ARID4B: variants seen among roughly 807,000 people sequenced by gnomAD.
The protein encoded by ARID4B is AT-rich interaction domain 4B.
ARID4B carries 26 observed loss-of-function variants against 147.5 expected under a neutral mutation model. The observed-to-expected ratio is 0.18, with a 90% CI of 0.13 to 0.24. The LOEUF is 0.24. Ranked by LOEUF, ARID4B falls within the 10% of genes least tolerant of loss-of-function variation. The pLI is 1.00. For synonymous variants in ARID4B, 512 were observed against 507.9 expected (o/e 1.01, Z -0.11); for missense variants, 1,179 against 1,511.5 (o/e 0.78, Z 3.65).
chr1:235,311,353 A>AAAT (rs1674036011), intron 2 of ARID4B, among the ~76,000 whole-genome samples: 1 of 91,504 alleles, frequency 1.1e-5, no homozygotes, highest in Non-Finnish European at 2.2e-5. Flanking sequence ...CCCTGTCTCA[A>AAAT]AACAATAATA....
chr1:235,229,428 C>T, intron 10 of ARID4B, 43 bp from the exon 11 acceptor site: 4 of 1,323,276 alleles, frequency 3.0e-6, no homozygotes, highest in Non-Finnish European at 4.3e-6. Context: ...GAAATTAAGA[C>T]AATTGTTTTC....
chr1:235,235,118 T>C (rs1361095961), intron 8 of ARID4B, among the ~76,000 whole-genome samples: 1 of 151,956 alleles, frequency 6.6e-6, no homozygotes, highest in East Asian at 1.9e-4. Context: ...ATTAGGGAAG[T>C]AGAAAGATGA....
intron 2 of ARID4B, among the ~76,000 whole-genome samples, chr1:235,284,282 C>T (rs1671840227): frequency 6.6e-6 from 1 of 152,140 alleles, no homozygotes; most frequent in African/African-American, 2.4e-5. Context: ...ATCGCTTGAA[C>T]CTGGGAGGCA....
At chr1:235,273,166 T>C (rs1474847961) in intron 2 of ARID4B, among the ~76,000 whole-genome samples, 1 of 152,194 alleles carries the variant, frequency 6.6e-6, no homozygotes, top group Non-Finnish European at 1.5e-5. Context: ...GCCTTCCAAG[T>C]AGCTGGGACT....
At chr1:235,247,674 A>C (rs1405295182) in intron 6 of ARID4B, among the ~76,000 whole-genome samples, 1 of 152,202 alleles carries the variant, frequency 6.6e-6, no homozygotes, top group Non-Finnish European at 1.5e-5. Flanking sequence ...GTCCTAATGA[A>C]CCTTAAATCA....
chr1:235,264,269 G>A (rs532512486), intron 2 of ARID4B, among the ~76,000 whole-genome samples: 10 of 152,196 alleles, frequency 6.6e-5, no homozygotes, highest in African/African-American at 2.2e-4. Context: ...TGGTCAGAAC[G>A]GCAAGTTTTG....
At chr1:235,220,187 AAAAT>A (rs2103022985) in intron 15 of ARID4B, 111 bp downstream of exon 15, 4 of 1,001,082 alleles carry the variant, frequency 4.0e-6, no homozygotes, top group Non-Finnish European at 5.3e-6. Context: ...CTTAATGAAG[AAAAT>A]AAACAAATAA....
intron 2 of ARID4B, among the ~76,000 whole-genome samples, chr1:235,286,733 C>T (rs1056352911): frequency 3.9e-5 from 6 of 152,174 alleles, no homozygotes; most frequent in African/African-American, 1.2e-4. Flanking sequence ...AGAACTACTA[C>T]AAAGTTTTAT....
At chr1:235,206,052 C>T (rs535161278) in intron 17 of ARID4B, among the ~76,000 whole-genome samples, 1 of 152,208 alleles carries the variant, frequency 6.6e-6, no homozygotes, top group Non-Finnish European at 1.5e-5. Context: ...TTATAGGTAT[C>T]ACTTTAAAAA....
At chr1:235,271,799 A>C (rs1671004986) in intron 2 of ARID4B, among the ~76,000 whole-genome samples, 1 of 151,840 alleles carries the variant, frequency 6.6e-6, no homozygotes, top group Non-Finnish European at 1.5e-5. Context: ...AAATAAAAAA[A>C]ATTAGCTGGC....
At chr1:235,182,939 T>C (rs1664418921) in intron 19 of ARID4B, 146 bp from the exon 20 acceptor site, 2 of 670,172 alleles carry the variant, frequency 3.0e-6, no homozygotes, top group Non-Finnish European at 2.3e-6. Flanking sequence ...GCAAAGAAAC[T>C]GGGTTTCAAA....
At chr1:235,293,374 C>T (rs1016591631) in intron 2 of ARID4B, among the ~76,000 whole-genome samples, 6 of 152,120 alleles carry the variant, frequency 3.9e-5, no homozygotes, top group Admixed American at 2.6e-4. Context: ...AACATTGTAA[C>T]TTCACAAAGT....
chr1:235,224,617 C>A, intron 12 of ARID4B, 86 bp downstream of exon 12: 1 of 939,216 alleles, frequency 1.1e-6, no homozygotes, highest in South Asian at 1.5e-5. Flanking sequence ...ACATAAAGTT[C>A]AGTAAACAAA....
At chr1:235,284,153 G>C (rs771937807) in intron 2 of ARID4B, among the ~76,000 whole-genome samples, 2 of 152,078 alleles carry the variant, frequency 1.3e-5, no homozygotes, top group Non-Finnish European at 2.9e-5. Context: ...CTGAAGGTCG[G>C]AGTTCGACAC....
At chr1:235,176,433 T>A (rs1571898298) in intron 21 of ARID4B, among the ~76,000 whole-genome samples, 4 of 45,008 alleles carry the variant, frequency 8.9e-5, no homozygotes, top group African/African-American at 3.2e-4. Context: ...CTTAACAACA[T>A]CACCAAAAAA....
chr1:235,327,040 G>T, intron 1 of ARID4B, 72 bp from the exon 2 acceptor site: 1 of 1,085,626 alleles, frequency 9.2e-7, no homozygotes, highest in South Asian at 1.3e-5. Flanking sequence ...CGGAGGGAAA[G>T]AAGCGAGCGA....
At chr1:235,312,744 C>T (rs1239178244) in intron 2 of ARID4B, among the ~76,000 whole-genome samples, 1 of 152,116 alleles carries the variant, frequency 6.6e-6, no homozygotes, top group African/African-American at 2.4e-5. Flanking sequence ...GAAGCCAAGG[C>T]AGGCGATCAC....
chr1:235,297,448 T>G (rs1672816647), intron 2 of ARID4B, among the ~76,000 whole-genome samples: 1 of 152,204 alleles, frequency 6.6e-6, no homozygotes, highest in Non-Finnish European at 1.5e-5. Flanking sequence ...AATAAAAGTT[T>G]TCTTTACAAA....
chr1:235,300,252 C>G (rs1673024116), intron 2 of ARID4B, among the ~76,000 whole-genome samples: 1 of 151,908 alleles, frequency 6.6e-6, no homozygotes, highest in Non-Finnish European at 1.5e-5. Flanking sequence ...CCCATCTCTA[C>G]CAAAAAATAC....
Sources: allele counts gnomAD v4.1 joint callset (sites outside exome capture counted in the v4.1 genomes callset), GRCh38; gene constraint gnomAD v4.1.1; transcripts MANE v1.5; gene names NCBI Gene and HGNC (gene_info 2026-07-23, HGNC 2026-07-21).